The following NEDD4L variants were observed in gnomAD, a reference collection of about 807,000 sequenced individuals.
NEDD4L encodes the protein E3 ubiquitin-protein ligase NEDD4-like.
NEDD4L carries 54 observed loss-of-function variants against 148.9 expected under a neutral mutation model. The ratio of observed to expected loss-of-function variants is 0.36; its 90% CI spans 0.29 to 0.45. The LOEUF (loss-of-function observed/expected upper bound fraction) is 0.45. Among genes scored for constraint, NEDD4L ranks in the 20% least tolerant of loss-of-function variants. The probability of loss-of-function intolerance (pLI) is 1.00; values close to 1 mark genes in which losing one functional copy is unlikely to be tolerated. For missense variants in NEDD4L, 856 were observed against 1,233.8 expected (o/e 0.69, Z 4.59); for synonymous variants, 433 against 440.7 (o/e 0.98, Z 0.22).
intron 2 of NEDD4L, among the ~76,000 whole-genome samples, chr18:58,189,187 T>A (rs577550422): frequency 6.6e-6 from 1 of 152,314 alleles, no homozygotes; most frequent in South Asian, 2.1e-4. Flanking sequence ...AGGTTGTCGC[T>A]GCCTTTCTCT....
At chr18:58,220,522 G>A (rs1461085463) in intron 2 of NEDD4L, among the ~76,000 whole-genome samples, 1 of 152,196 alleles carries the variant, frequency 6.6e-6, no homozygotes, top group Admixed American at 6.5e-5. Flanking sequence ...CCAGCCTCAA[G>A]GGGTGATCCG....
chr18:58,046,098 G>C (rs2081569051), intron 1 of NEDD4L: 1 of 152,198 alleles, frequency 6.6e-6, no homozygotes, highest in African/African-American at 2.4e-5. Flanking sequence ...GCTAGGCAAA[G>C]CTTGATGTAT....
chr18:58,256,630 G>T lies in NEDD4L; in HGVS notation c.297+4576G>T. 8 of 1,232,242 alleles carry T rather than the reference G, an allele frequency of 6.5e-6. No homozygotes were observed. The highest frequency in any genetic ancestry group is 8.1e-6 in the Non-Finnish European group (8 of 988,028). The allele number at this position is 1,232,242 out of a possible 1,614,324, so 76.3% of individuals were successfully genotyped here. On this transcript the variant is annotated intron_variant, in intron 5 of 30. Transcript: ENST00000400345. The surrounding 1 kb of genome is among the most constrained non-coding windows in gnomAD (Gnocchi z 5.2). ...CCGCGGAGAGGACTCCGCAGGGCCAGGGGTGCACATTTAAGATCAGGCAGG... is the reference window on the plus strand; with the variant it reads ...CCGCGGAGAGGACTCCGCAGGGCCATGGGTGCACATTTAAGATCAGGCAGG...
At chr18:58,187,770 G>A (rs974768041) in intron 2 of NEDD4L, among the ~76,000 whole-genome samples, 9 of 152,234 alleles carry the variant, frequency 5.9e-5, no homozygotes, top group African/African-American at 2.2e-4. Context: ...TATTCTGAAA[G>A]CAAATATGGA....
At chr18:58,124,376 G>A (rs1426293731) in intron 1 of NEDD4L, among the ~76,000 whole-genome samples, 2 of 152,196 alleles carry the variant, frequency 1.3e-5, no homozygotes, top group Non-Finnish European at 2.9e-5. Context: ...CATGTTGTCT[G>A]TTCCTCCCCG....
chr18:58,128,993 G>T (rs1319762590), intron 1 of NEDD4L, among the ~76,000 whole-genome samples: 3 of 152,196 alleles, frequency 2.0e-5, no homozygotes, highest in Non-Finnish European at 4.4e-5. Flanking sequence ...TCATTAGGAG[G>T]GGGCCTTGCA....
At chr18:58,235,406 C>T (rs1170067898) in intron 2 of NEDD4L, among the ~76,000 whole-genome samples, 1 of 152,164 alleles carries the variant, frequency 6.6e-6, no homozygotes, top group Non-Finnish European at 1.5e-5. Flanking sequence ...TGTGCCTCTG[C>T]ATGTCAGCTC....
chr18:58,362,075 G>C (rs1462317139), intron 19 of NEDD4L, among the ~76,000 whole-genome samples: 3 of 152,138 alleles, frequency 2.0e-5, no homozygotes, highest in African/African-American at 7.2e-5. Context: ...CAGCTTTCAC[G>C]CATCATTCCC....
Position 58,389,193 on chromosome 18 carries a change from G to GTAACTT in NEDD4L, c.2655+6_2655+7insTTAACT, listed in dbSNP as rs770018723. 1.9e-5 allele frequency: 31 copies of GTAACTT among 1,609,898 alleles called. No individual in the cohort carries two copies. The South Asian group carries it at 3.2e-4, about 17-fold the overall frequency. ...CCCCGTCATTCAGTGGTTCTGGAAG[G>GTAACTT]TAACTCCGGGGCCCAGCCCCAGCCG... On this transcript the variant is annotated splice_donor_variant, in intron 28 of 30. Transcript: ENST00000400345. LOFTEE classifies it high-confidence loss of function.
rs528082542 is a variant in NEDD4L, at chr18:58,133,655, C to T, written c.49-32133C>T. Among the ~76,000 whole-genome samples the T allele has an allele frequency of 2.0e-5, 3 of 152,248 alleles. No homozygotes were observed. The South Asian group carries it at 6.2e-4, about 32-fold the overall frequency. ...GCAAACATATCATTTCCCCTCCATG[C>T]TTGCTAGACTGGCTTATGCACACAT... is the stretch of plus-strand genomic sequence containing the variant. On this transcript the variant is annotated intron_variant, in intron 1 of 30. Coordinates refer to ENST00000400345, the MANE Select transcript of NEDD4L (RefSeq NM_001144967.3).
intron 2 of NEDD4L, among the ~76,000 whole-genome samples, chr18:58,243,155 A>G (rs1479322393): frequency 1.3e-5 from 2 of 152,218 alleles, no homozygotes; most frequent in Non-Finnish European, 2.9e-5. Context: ...TTAGCTCTTT[A>G]TTGCAGTTAT....
chr18:58,230,843 G>A (rs1402263689), intron 2 of NEDD4L, among the ~76,000 whole-genome samples: 1 of 152,170 alleles, frequency 6.6e-6, no homozygotes, highest in African/African-American at 2.4e-5. Flanking sequence ...GTTAATTGAA[G>A]GCCCGTTTTG....
chr18:58,089,126 ATTTTTT>A (rs570623396), intron 1 of NEDD4L, among the ~76,000 whole-genome samples: 1,261 of 100,988 alleles, frequency 0.012, 17 homozygotes, highest in African/African-American at 0.047. Context: ...TTATTTCATA[ATTTTTT>A]TTTTTTTTTT....
rs549174429 is a variant in NEDD4L, at chr18:58,382,979, G to T, written c.2353-267G>T. On this transcript the variant is annotated intron_variant, in intron 24 of 30. Coordinates refer to ENST00000400345, the MANE Select transcript of NEDD4L (RefSeq NM_001144967.3). ...ATAAATGAATAGCAGAGGAAAAAAT[G>T]TTGCTCTTCATTATTGCTAATATAT... Among the ~76,000 whole-genome samples the T allele has an allele frequency of 7.2e-5, 11 of 152,246 alleles. 1 individual carries two copies. The South Asian group carries it at 2.3e-3, about 32-fold the overall frequency.
chr18:58,148,458 G>A (rs567614851), intron 1 of NEDD4L, among the ~76,000 whole-genome samples: 1 of 152,138 alleles, frequency 6.6e-6, no homozygotes, highest in Non-Finnish European at 1.5e-5. Context: ...GAGCCACTTC[G>A]CCTGGCCATG....
intron 18 of NEDD4L, among the ~76,000 whole-genome samples, chr18:58,356,055 C>A (rs189988340): frequency 1.3e-5 from 2 of 152,038 alleles, no homozygotes. Flanking sequence ...TGGGCTCAAG[C>A]GATCTTCCCA....
At chr18:58,341,994 C>T (rs2042488940) in intron 15 of NEDD4L, among the ~76,000 whole-genome samples, 197 bp downstream of exon 15, 1 of 152,220 alleles carries the variant, frequency 6.6e-6, no homozygotes, top group Non-Finnish European at 1.5e-5. Flanking sequence ...GACTCTCTCA[C>T]CTGATTCTCA....
chr18:58,076,758 A>G (rs2083181556), intron 1 of NEDD4L, among the ~76,000 whole-genome samples: 1 of 152,098 alleles, frequency 6.6e-6, no homozygotes, highest in Non-Finnish European at 1.5e-5. Flanking sequence ...TTATTATGAA[A>G]AATTTCAAGC....
At chr18:58,183,538 G>T (rs1020748521) in intron 2 of NEDD4L, among the ~76,000 whole-genome samples, 2 of 152,136 alleles carry the variant, frequency 1.3e-5, no homozygotes, top group Non-Finnish European at 2.9e-5. Context: ...CTCTTCACCT[G>T]GGCTCTGAGC....
Sources: allele counts gnomAD v4.1 joint callset (sites outside exome capture counted in the v4.1 genomes callset), GRCh38; gene constraint gnomAD v4.1.1; non-coding constraint Gnocchi (gnomAD v3.1); transcripts MANE v1.5; gene names NCBI Gene and HGNC (gene_info 2026-07-23, HGNC 2026-07-21).